TRDN: variants seen among roughly 807,000 people sequenced by gnomAD.
TRDN encodes the protein triadin in skeletal muscle.
TRDN carries 161 observed loss-of-function variants against 149.7 expected under a neutral mutation model. That is an observed-to-expected ratio of 1.08 (90% CI 0.95 to 1.23). The LOEUF (loss-of-function observed/expected upper bound fraction) is 1.23, where lower values mean the gene tolerates loss of function less well. Among genes scored for constraint, TRDN ranks in the 50% most tolerant of loss-of-function variants. The pLI, the probability that TRDN is intolerant of heterozygous loss-of-function variation, is 0.00. For missense variants in TRDN, 896 were observed against 823.5 expected (o/e 1.09, Z -1.08); for synonymous variants, 294 against 250.5 (o/e 1.17, Z -1.64).
intron 9 of TRDN, chr6:123,470,962 C>T (rs1777116710): frequency 6.6e-6 from 1 of 152,054 alleles, no homozygotes; most frequent in South Asian, 2.1e-4. Context: ...AGAAAAAAAT[C>T]CCCGAATTCA....
intron 1 of TRDN, among the ~76,000 whole-genome samples, chr6:123,577,893 T>C (rs1782935840): frequency 6.6e-6 from 1 of 152,220 alleles, no homozygotes; most frequent in Non-Finnish European, 1.5e-5. Context: ...ATCAGTGATA[T>C]TGAGCTTTCT....
chr6:123,349,033 T>C (rs1780357714), intron 21 of TRDN, among the ~76,000 whole-genome samples: 1 of 152,134 alleles, frequency 6.6e-6, no homozygotes, highest in African/African-American at 2.4e-5. Context: ...GAACTTCCAT[T>C]GAGTACGTAT....
intron 10 of TRDN, among the ~76,000 whole-genome samples, chr6:123,446,337 G>A (rs866844161): frequency 5.3e-5 from 8 of 151,922 alleles, no homozygotes; most frequent in Non-Finnish European, 1.0e-4. Flanking sequence ...GTGTACATAT[G>A]TAACTAACCT....
rs562958712 is a variant in TRDN at position 123,496,881 on chromosome 6, CA to C, written c.853+311del. Reference sequence around the variant, plus strand: ...CGTGGGTCTTTTCTTCTAAGTTTACCAAGAATAAAATAAGATGATTCACTGC... The same window carrying C: ...CGTGGGTCTTTTCTTCTAAGTTTACCAGAATAAAATAAGATGATTCACTGC... On this transcript the variant is annotated intron_variant, in intron 9 of 40. Coordinates refer to ENST00000334268, the MANE Select transcript of TRDN (RefSeq NM_006073.4). Among the ~76,000 whole-genome samples, 67 of 151,856 alleles carry C rather than the reference CA, an allele frequency of 4.4e-4. 2 individuals are homozygous for C. In the East Asian group the frequency reaches 0.013, roughly 29 times the overall value.
chr6:123,612,612 A>G (rs1003929656), intron 1 of TRDN, among the ~76,000 whole-genome samples: 2 of 152,094 alleles, frequency 1.3e-5, no homozygotes, highest in East Asian at 3.9e-4. Context: ...ATCATCATGT[A>G]TCACAGCTTT....
At chr6:123,490,309 A>AACCGAGAT in intron 9 of TRDN, among the ~76,000 whole-genome samples, 1 of 152,306 alleles carries the variant, frequency 6.6e-6, no homozygotes, top group Non-Finnish European at 1.5e-5. Context: ...TTGATCTGAA[A>AACCGAGAT]ACCGAGATAC....
intron 1 of TRDN, among the ~76,000 whole-genome samples, chr6:123,579,580 A>G (rs1365224809): frequency 6.6e-6 from 1 of 152,132 alleles, no homozygotes; most frequent in African/African-American, 2.4e-5. Flanking sequence ...ATGTTTATCA[A>G]TAACATTGGC....
At chr6:123,600,363 A>G (rs955875322) in intron 1 of TRDN, among the ~76,000 whole-genome samples, 18 of 152,042 alleles carry the variant, frequency 1.2e-4, no homozygotes, top group African/African-American at 4.1e-4. Flanking sequence ...AATCTTAGCC[A>G]CTGCAATAGA....
chr6:123,498,700 C>T, intron 8 of TRDN: 1 of 446,974 alleles, frequency 2.2e-6, no homozygotes, highest in Non-Finnish European at 4.7e-6. Flanking sequence ...CTTTTCTAGA[C>T]ATGAGATTGT....
Position 123,255,098 on chromosome 6 carries a change from A to C in TRDN, c.1934T>G (p.Leu645Ter), listed in dbSNP as rs747836980. The C allele has an allele frequency of 2.7e-5, 37 of 1,377,864 alleles. No homozygotes were observed. The highest frequency in any genetic ancestry group is 3.6e-5 in the Non-Finnish European group (36 of 1,013,010). 85.4% of individuals were successfully genotyped at this position (1,377,864 alleles called of 1,614,324 possible). A position where few individuals can be genotyped will look rare whatever the true frequency, so the allele number is the denominator to read the frequency against. ...KVSTRKESLQ[L>*]HNVTKAEKPA... ...AAGATTACCTTTTGTCACATTGTGT[A>C]ATTGAAGACTTTCTTTTCTTGTTGA... The change falls in exon 37 of 41, where the codon TTA (leucine) becomes TGA (stop). Residue 645 changes from leucine to a stop codon, truncating the protein, a stop_gained. Transcript: ENST00000334268. LOFTEE classifies it high-confidence loss of function.
At chr6:123,283,522 A>T (rs1777677668) in intron 24 of TRDN, among the ~76,000 whole-genome samples, 1 of 151,902 alleles carries the variant, frequency 6.6e-6, no homozygotes, top group Admixed American at 6.6e-5. Flanking sequence ...AGATAAATGA[A>T]ACAAAAAGAT....
chr6:123,491,146 A>C (rs1404422158), intron 9 of TRDN, among the ~76,000 whole-genome samples: 2 of 151,636 alleles, frequency 1.3e-5, no homozygotes, highest in Non-Finnish European at 2.9e-5. Context: ...GGAAGGAAGG[A>C]AGGAAGGAAG....
chr6:123,319,908 A>G (rs1004123357), intron 23 of TRDN, among the ~76,000 whole-genome samples: 1 of 152,092 alleles, frequency 6.6e-6, no homozygotes, highest in Non-Finnish European at 1.5e-5. Context: ...AATGTCATCA[A>G]TAGTGTTTTC....
intron 14 of TRDN, among the ~76,000 whole-genome samples, chr6:123,382,767 A>T (rs1318280116): frequency 1.3e-5 from 2 of 152,008 alleles, no homozygotes; most frequent in African/African-American, 4.8e-5. Context: ...GATTTCATTT[A>T]TAGTAGACGG....
intron 2 of TRDN, among the ~76,000 whole-genome samples, chr6:123,557,529 C>T: frequency 6.6e-6 from 1 of 152,062 alleles, no homozygotes; most frequent in East Asian, 1.9e-4. Flanking sequence ...AGTTCCTTTC[C>T]TTTTCTGGTA....
chr6:123,409,715 A>ACACACACACC (rs35355392), intron 12 of TRDN, among the ~76,000 whole-genome samples: 1 of 151,370 alleles, frequency 6.6e-6, no homozygotes, highest in African/African-American at 2.4e-5. Flanking sequence ...ACACACACAC[A>ACACACACACC]CCCAAAACTC....
At position 123,397,944 on chromosome 6, in the gene TRDN, C is replaced by A. The variant is rs573225597; in HGVS notation, c.1052-4267G>T. 2.6e-4 allele frequency among the ~76,000 whole-genome samples: 39 copies of A among 152,288 alleles called. 1 individual carries two copies. Among genetic ancestry groups the A allele is most frequent in the African/African-American group, 9.1e-4 (38 of 41,558 alleles). On this transcript the variant is annotated intron_variant, in intron 12 of 40. Transcript: ENST00000334268. ...TATTAATCTTCCAAAGAAATGAAAA[C>A]AGCTTTAAAGCTGTCTCTTGCTACT...
chr6:123,235,311 G>A (rs1455259395), intron 38 of TRDN, among the ~76,000 whole-genome samples: 1 of 152,028 alleles, frequency 6.6e-6, no homozygotes, highest in East Asian at 1.9e-4. Flanking sequence ...GGTAAGCATT[G>A]AGAGCTGAAG....
intron 12 of TRDN, among the ~76,000 whole-genome samples, chr6:123,417,430 C>G (rs780822045): frequency 8.5e-5 from 13 of 152,068 alleles, no homozygotes; most frequent in Non-Finnish European, 1.6e-4. Flanking sequence ...TCTTTATATT[C>G]TAATGCAGGA....
Sources: gnomAD v4.1 joint callset for allele counts (sites outside exome capture counted in the v4.1 genomes callset) on GRCh38, gnomAD v4.1.1 for gene constraint, MANE v1.5 for transcripts, NCBI Gene and HGNC (gene_info 2026-07-23, HGNC 2026-07-21) for gene names.